Variants in SLC7A10 observed in about 807,000 individuals in gnomAD.
SLC7A10 encodes the protein asc-type amino acid transporter 1.
SLC7A10 carries 30 observed loss-of-function variants against 52.7 expected under a neutral mutation model. That is an observed-to-expected ratio of 0.57 (90% CI 0.43 to 0.77). SLC7A10 has a LOEUF of 0.77. Ranked by LOEUF, SLC7A10 falls within the 30% of genes least tolerant of loss-of-function variation. The pLI, the probability that SLC7A10 is intolerant of heterozygous loss-of-function variation, is 0.00. For synonymous variants in SLC7A10, 318 were observed against 314.9 expected (o/e 1.01, Z -0.10); for missense variants, 581 against 698.5 (o/e 0.83, Z 1.90).
intron 1 of SLC7A10, among the ~76,000 whole-genome samples, chr19:33,216,235 G>A (rs1974680059): frequency 2.6e-5 from 4 of 152,212 alleles, no homozygotes; most frequent in African/African-American, 9.6e-5. Context: ...CCCTCTGCCA[G>A]AGACAGGCCC....
chr19:33,215,795 G>A lies in SLC7A10; in HGVS notation c.330C>T (p.Val110=). 2 of 1,565,358 alleles carry A rather than the reference G, an allele frequency of 1.3e-6. No homozygotes were observed. Among genetic ancestry groups the A allele is most frequent in the Non-Finnish European group, 8.7e-7 (1 of 1,155,004 alleles). The change falls in exon 2 of 11, where the codon GTC becomes GTT. Residue 110 remains valine (V), a synonymous_variant. Transcript: ENST00000253188. ...CAGCCAGGCCCCCGAAGATCTCTGT[G>A]ACGTAGGCGTAGTCCCCGCCAGACT... The part of the protein sequence containing the change: ...IPKSGGDYAY[V]TEIFGGLAGF...
intron 1 of SLC7A10, chr19:33,220,855 C>T (rs922976442): frequency 1.3e-5 from 2 of 152,280 alleles, no homozygotes; most frequent in Admixed American, 6.5e-5. Flanking sequence ...CATGGTTCCT[C>T]TCTTTCTCCC....
Position 33,225,722 on chromosome 19 carries a change from C to A in SLC7A10, c.-19G>T, listed in dbSNP as rs1974911364. 3 of 1,503,522 alleles carry A rather than the reference C, an allele frequency of 2.0e-6. No homozygotes were observed. Among genetic ancestry groups the A allele is most frequent in the Non-Finnish European group, 2.6e-6 (3 of 1,134,488 alleles). The allele number at this position is 1,503,522 out of a possible 1,614,324, so 93.1% of individuals were successfully genotyped here. A position where few individuals can be genotyped will look rare whatever the true frequency, so the allele number is the denominator to read the frequency against. ...CGGCCATGTCGCTGTCCCGCCGCGT[C>A]CCCGCTCCCTGCGCTGCCCCGTCTG... is the stretch of plus-strand genomic sequence containing the variant. On this transcript the variant is annotated 5_prime_UTR_variant, in exon 1 of 11. Transcript: ENST00000253188.
Position 33,208,950 on chromosome 19 carries a change from T to A in SLC7A10, c.1513A>T (p.Asn505Tyr), listed in dbSNP as rs772843957. Residue 505 changes from asparagine to tyrosine, a missense_variant, in exon 11 of 11, where the codon AAT (asparagine) becomes TAT (tyrosine). By Grantham distance (143) the Asn-to-Tyr change is moderately radical. Transcript: ENST00000253188. The surrounding 1 kb of genome is among the most constrained non-coding windows in gnomAD (Gnocchi z 4.7). ...AGCAGGGAGGGTGGGCAGGGGCCAT[T>A]CTCCTCCTCTTCGGGGGCGTCCTGG... The part of the protein sequence containing the change: ...YPQDAPEEEE[N>Y]GPCPPSLLPA... 1 of 1,613,530 alleles carries A rather than the reference T, an allele frequency of 6.2e-7. No individual in the cohort carries two copies. Among genetic ancestry groups the A allele is most frequent in the Non-Finnish European group, 8.5e-7 (1 of 1,179,934 alleles).
At chr19:33,222,647 T>G (rs912000517) in intron 1 of SLC7A10, among the ~76,000 whole-genome samples, 1 of 151,996 alleles carries the variant, frequency 6.6e-6, no homozygotes, top group African/African-American at 2.4e-5. Flanking sequence ...GAGATTCAAA[T>G]GAGATAAAGG....
At chr19:33,214,811 C>T (rs749982512) in intron 2 of SLC7A10, among the ~76,000 whole-genome samples, 2 of 152,216 alleles carry the variant, frequency 1.3e-5, no homozygotes, top group Non-Finnish European at 2.9e-5. Context: ...AAGGCTCATC[C>T]AGGCCTTAAT....
intron 5 of SLC7A10, 78 bp downstream of exon 5, chr19:33,212,214 T>C (rs903868897): frequency 1.3e-6 from 2 of 1,547,680 alleles, no homozygotes; most frequent in Admixed American, 2.0e-5. Flanking sequence ...TGGGTGGCAG[T>C]GGGGCTGGGC....
At chr19:33,220,402 G>T (rs1450839338) in intron 1 of SLC7A10, 2 of 152,112 alleles carry the variant, frequency 1.3e-5, no homozygotes, top group Admixed American at 1.3e-4. Flanking sequence ...CGAGCCCTAG[G>T]CCACGTTATT....
Position 33,211,931 on chromosome 19 carries a change from C to T in SLC7A10, c.788+361G>A, listed in dbSNP as rs989464800. On this transcript the variant is annotated intron_variant, in intron 5 of 10. Transcript: ENST00000253188. ...TCGCTCAGCTGCAAAGGTTTACTGT[C>T]GAGATCCCTGGCCGAGCATCAGACG... 7 of 476,776 alleles carry T rather than the reference C, an allele frequency of 1.5e-5. No individual in the cohort carries two copies. In the Admixed American group the frequency reaches 1.7e-4, roughly 11 times the overall value. 29.5% of individuals were successfully genotyped at this position (476,776 alleles called of 1,614,324 possible).
At chr19:33,218,525 A>G (rs943712104) in intron 1 of SLC7A10, among the ~76,000 whole-genome samples, 6 of 151,420 alleles carry the variant, frequency 4.0e-5, no homozygotes, top group Admixed American at 6.6e-5. Flanking sequence ...TCCCGGCACC[A>G]TGAAGGATGG....
At chr19:33,211,121 C>T (rs770454768) in intron 7 of SLC7A10, 104 bp downstream of exon 7, 3 of 1,169,520 alleles carry the variant, frequency 2.6e-6, no homozygotes, top group Non-Finnish European at 3.8e-6. Context: ...TTCAGGCAGA[C>T]CCCTCCCCCG....
At chr19:33,223,321 AAAAAAAAGAAAG>A (rs1974852647) in intron 1 of SLC7A10, among the ~76,000 whole-genome samples, 1 of 151,874 alleles carries the variant, frequency 6.6e-6, no homozygotes, top group Non-Finnish European at 1.5e-5. Context: ...AAAAAAAAAA[AAAAAAAAGAAAG>A]AAAAAGAAAG....
intron 10 of SLC7A10, 109 bp downstream of exon 10, chr19:33,209,199 C>G (rs1200989333): frequency 1.3e-6 from 2 of 1,539,344 alleles, no homozygotes; most frequent in East Asian, 2.3e-5. Flanking sequence ...GCCCTGTGTT[C>G]CCACCTCAGC....
chr19:33,225,653 C>T lies in SLC7A10; in HGVS notation c.51G>A (p.Ala17=), dbSNP rs764024469. The T allele has an allele frequency of 5.1e-5, 81 of 1,580,060 alleles. No homozygotes were observed. The highest frequency in any genetic ancestry group is 2.1e-4 in the Middle Eastern group (1 of 4,758). The part of the protein sequence containing the change: ...QPSGRGNPRP[A]PSPSPVPGTV... ...TCCCTGGGACTGGGGAGGGCGAGGG[C>T]GCAGGCCTGGGGTTCCCGCGCCCGC... The change falls in exon 1 of 11, where the codon GCG becomes GCA. Residue 17 remains alanine (A), a synonymous_variant. Transcript: ENST00000253188.
chr19:33,220,267 T>A (rs563716226), intron 1 of SLC7A10: 9 of 152,312 alleles, frequency 5.9e-5, no homozygotes, highest in African/African-American at 1.9e-4. Context: ...TGAGCGGAAG[T>A]GTGCGGCCCT....
chr19:33,224,799 A>G (rs906293016), intron 1 of SLC7A10, among the ~76,000 whole-genome samples: 1 of 152,158 alleles, frequency 6.6e-6, no homozygotes, highest in African/African-American at 2.4e-5. Context: ...AGAAACCCCT[A>G]TGTGGGGGCA....
intron 10 of SLC7A10, 46 bp from the exon 11 acceptor site, chr19:33,209,067 G>A (rs1207037906): frequency 1.2e-6 from 2 of 1,610,990 alleles, no homozygotes; most frequent in Admixed American, 1.7e-5. Flanking sequence ...CTCGGGATAG[G>A]GGTGACCCCC....
intron 2 of SLC7A10, among the ~76,000 whole-genome samples, chr19:33,215,038 G>C (rs958744015): frequency 3.3e-5 from 5 of 151,884 alleles, no homozygotes; most frequent in Admixed American, 2.6e-4. Context: ...GGCTGAGGCG[G>C]GTGGATCACC....
intron 1 of SLC7A10, among the ~76,000 whole-genome samples, chr19:33,217,237 T>C (rs1974707021): frequency 6.6e-6 from 1 of 151,234 alleles, no homozygotes; most frequent in South Asian, 2.1e-4. Context: ...GGTCTCGAAC[T>C]CCTGGGCTCA....
Sources: allele counts gnomAD v4.1 joint callset (sites outside exome capture counted in the v4.1 genomes callset), GRCh38; gene constraint gnomAD v4.1.1; non-coding constraint Gnocchi (gnomAD v3.1); transcripts MANE v1.5; gene names NCBI Gene and HGNC (gene_info 2026-07-23, HGNC 2026-07-21).